Variants in CCSER1 observed in about 807,000 individuals in gnomAD.
CCSER1 encodes coiled-coil serine rich protein 1.
Under a neutral mutation model 82.0 loss-of-function variants are expected in CCSER1, and 41 were observed. The observed-to-expected ratio is 0.50, with a 90% CI of 0.39 to 0.65. The LOEUF is 0.65. Ranked by LOEUF, CCSER1 falls within the 30% of genes least tolerant of loss-of-function variation. The probability of loss-of-function intolerance (pLI) is 0.00; values close to 1 mark genes in which losing one functional copy is unlikely to be tolerated. For synonymous variants in CCSER1, 414 were observed against 383.9 expected (o/e 1.08, Z -0.92); for missense variants, 1,119 against 1,064.2 (o/e 1.05, Z -0.72).
chr4:90,489,919 C>T (rs1002325666), intron 5 of CCSER1, among the ~76,000 whole-genome samples: 2 of 152,142 alleles, frequency 1.3e-5, no homozygotes, highest in African/African-American at 4.8e-5. Context: ...TCCAGTCTAT[C>T]ATTGTTGGAC....
intron 8 of CCSER1, among the ~76,000 whole-genome samples, chr4:90,886,521 A>G (rs1304384134): frequency 6.6e-6 from 1 of 152,220 alleles, no homozygotes; most frequent in Non-Finnish European, 1.5e-5. Flanking sequence ...ACAGTTGTAT[A>G]TGTTAACTTG....
At chr4:90,327,556 A>G (rs1271741015) in intron 3 of CCSER1, among the ~76,000 whole-genome samples, 1 of 152,168 alleles carries the variant, frequency 6.6e-6, no homozygotes, top group Non-Finnish European at 1.5e-5. Flanking sequence ...CTACAAGGCA[A>G]ACAGTCGTGA....
intron 9 of CCSER1, among the ~76,000 whole-genome samples, chr4:91,045,276 A>T (rs1291191212): frequency 6.6e-6 from 1 of 152,212 alleles, no homozygotes; most frequent in East Asian, 1.9e-4. Context: ...GTTAAAATAG[A>T]TTTATTAATA....
At chr4:91,595,215 T>A (rs1341018528) in intron 10 of CCSER1, among the ~76,000 whole-genome samples, 2 of 152,122 alleles carry the variant, frequency 1.3e-5, no homozygotes, top group Admixed American at 1.3e-4. Flanking sequence ...CCCTATGTGA[T>A]CAGTCGAGAT....
At chr4:90,981,171 G>C (rs1243559736) in intron 9 of CCSER1, among the ~76,000 whole-genome samples, 1 of 151,806 alleles carries the variant, frequency 6.6e-6, no homozygotes, top group East Asian at 1.9e-4. Context: ...AGTGGGGTTA[G>C]GCTTCAATTG....
chr4:90,705,920 C>T (rs567012125), intron 6 of CCSER1, among the ~76,000 whole-genome samples: 11 of 152,326 alleles, frequency 7.2e-5, no homozygotes, highest in African/African-American at 2.4e-4. Context: ...CCTTGCACTT[C>T]CGGGGTCAGG....
chr4:91,365,059 C>T (rs1749515683), intron 10 of CCSER1, among the ~76,000 whole-genome samples: 1 of 152,180 alleles, frequency 6.6e-6, no homozygotes, highest in African/African-American at 2.4e-5. Flanking sequence ...GTGCACACTA[C>T]TTCCATCAAA....
intron 10 of CCSER1, among the ~76,000 whole-genome samples, chr4:91,194,178 C>G (rs555155142): frequency 6.6e-6 from 1 of 152,124 alleles, no homozygotes; most frequent in African/African-American, 2.4e-5. Flanking sequence ...CCACATGGCT[C>G]AGGCTTGTCT....
At chr4:90,933,350 G>T (rs979160556) in intron 9 of CCSER1, among the ~76,000 whole-genome samples, 1 of 151,570 alleles carries the variant, frequency 6.6e-6, no homozygotes, top group Non-Finnish European at 1.5e-5. Context: ...ACCACGCCCG[G>T]CTAATTTTTT....
chr4:91,379,111 A>G (rs192218139), intron 10 of CCSER1, among the ~76,000 whole-genome samples: 2,981 of 152,284 alleles, frequency 0.02, 74 homozygotes, highest in African/African-American at 0.067. Flanking sequence ...CCACTTGATC[A>G]TGGTGGATGA....
chr4:91,056,308 A>T (rs1743443399), intron 9 of CCSER1, among the ~76,000 whole-genome samples: 1 of 151,712 alleles, frequency 6.6e-6, no homozygotes, highest in Non-Finnish European at 1.5e-5. Flanking sequence ...GTAATTTATA[A>T]AAAAAAAGAA....
intron 1 of CCSER1, among the ~76,000 whole-genome samples, chr4:90,184,714 A>G (rs977965034): frequency 1.3e-5 from 2 of 152,094 alleles, no homozygotes; most frequent in Admixed American, 6.6e-5. Context: ...AACACTTGGC[A>G]TAGTTTCTGG....
chr4:91,262,075 TAATA>T lies in CCSER1; in HGVS notation c.2217+176087_2217+176090del, dbSNP rs1205591441. On this transcript the variant is annotated intron_variant, in intron 10 of 10. Coordinates refer to ENST00000509176, the MANE Select transcript of CCSER1 (RefSeq NM_001145065.2). ...CCCCGGATGATTAAAGTAAAAATTGTAATAAATAATATATAAAAAGTACTTATAA... is the reference window on the plus strand; with the variant it reads ...CCCCGGATGATTAAAGTAAAAATTGTAATAATATATAAAAAGTACTTATAA... Among the ~76,000 whole-genome samples, 7 of 152,196 alleles carry T rather than the reference TAATA, an allele frequency of 4.6e-5. No individual in the cohort carries two copies. The South Asian group carries it at 8.3e-4, about 18-fold the overall frequency.
chr4:90,591,512 A>G (rs1372771280), intron 5 of CCSER1, among the ~76,000 whole-genome samples: 2 of 152,184 alleles, frequency 1.3e-5, no homozygotes, highest in Admixed American at 1.3e-4. Flanking sequence ...TTAGAATGGC[A>G]ATCATTAAAA....
chr4:90,276,330 TTTCTTTC>T (rs1240520039), intron 1 of CCSER1, among the ~76,000 whole-genome samples: 1 of 143,982 alleles, frequency 6.9e-6, no homozygotes, highest in East Asian at 2.0e-4. Context: ...TCTTTCTTTC[TTTCTTTC>T]TTCTTTCTTT....
intron 9 of CCSER1, among the ~76,000 whole-genome samples, chr4:91,000,301 C>T (rs1581300801): frequency 6.6e-6 from 1 of 151,856 alleles, no homozygotes; most frequent in East Asian, 1.9e-4. Flanking sequence ...TTACATACTA[C>T]ATTATAATAT....
At chr4:90,266,674 T>G (rs1319484402) in intron 1 of CCSER1, among the ~76,000 whole-genome samples, 1 of 150,666 alleles carries the variant, frequency 6.6e-6, no homozygotes, top group Non-Finnish European at 1.5e-5. Context: ...GGAGGGAGAG[T>G]GAGCAATCAG....
chr4:90,301,530 T>A (rs2153474125), intron 1 of CCSER1, among the ~76,000 whole-genome samples: 1 of 152,316 alleles, frequency 6.6e-6, no homozygotes, highest in South Asian at 2.1e-4. Flanking sequence ...TGTCTTCAAG[T>A]TAATCTTATC....
intron 9 of CCSER1, among the ~76,000 whole-genome samples, chr4:90,948,204 C>T (rs1322371496): frequency 6.6e-6 from 1 of 151,762 alleles, no homozygotes; most frequent in Non-Finnish European, 1.5e-5. Flanking sequence ...CATTGTACAA[C>T]AATAGTTAGG....
Sources: gnomAD v4.1 joint callset for allele counts (sites outside exome capture counted in the v4.1 genomes callset) on GRCh38, gnomAD v4.1.1 for gene constraint, MANE v1.5 for transcripts, NCBI Gene and HGNC (gene_info 2026-07-23, HGNC 2026-07-21) for gene names.